The following HERC1 variants were observed in gnomAD, a reference collection of about 807,000 sequenced individuals.
HERC1 encodes the protein probable E3 ubiquitin-protein ligase HERC1.
A neutral mutation model predicts 554.3 loss-of-function variants in HERC1; 160 were observed. The ratio of observed to expected loss-of-function variants is 0.29; its 90% CI spans 0.25 to 0.33. The LOEUF is 0.33. Among genes scored for constraint, HERC1 ranks in the 10% least tolerant of loss-of-function variants. HERC1 has a pLI of 1.00. For missense variants in HERC1, 4,919 were observed against 5,918.5 expected, an observed-to-expected ratio of 0.83 and a Z score of 5.54; for synonymous variants, 2,175 against 2,131.7, an observed-to-expected ratio of 1.02 and a Z score of -0.56.
At chr15:63,660,081 G>A (rs1268500555) in intron 46 of HERC1, 145 bp from the exon 47 acceptor site, 3 of 696,564 alleles carry the variant, frequency 4.3e-6, no homozygotes, top group South Asian at 1.8e-5. Flanking sequence ...CACTCTGGGA[G>A]GCCGAGGCGA....
intron 36 of HERC1, among the ~76,000 whole-genome samples, chr15:63,679,009 A>G (rs1312722356): frequency 6.6e-6 from 1 of 152,240 alleles, no homozygotes; most frequent in Non-Finnish European, 1.5e-5. Context: ...TCACACTGTA[A>G]ATGTTAAAAA....
chr15:63,767,048 C>T (rs1357911902), intron 2 of HERC1, among the ~76,000 whole-genome samples: 1 of 151,184 alleles, frequency 6.6e-6, no homozygotes, highest in African/African-American at 2.4e-5. Flanking sequence ...GTTGCCCAGG[C>T]TGGAGTGCAG....
chr15:63,699,353 G>A (rs1388918703), intron 25 of HERC1, among the ~76,000 whole-genome samples: 1 of 152,172 alleles, frequency 6.6e-6, no homozygotes, highest in Non-Finnish European at 1.5e-5. Context: ...GAACAAAAAG[G>A]AACTAGGCAC....
chr15:63,748,538 A>T (rs768331401), intron 10 of HERC1, among the ~76,000 whole-genome samples: 3 of 152,186 alleles, frequency 2.0e-5, no homozygotes, highest in Admixed American at 6.5e-5. Context: ...AAATCTATTA[A>T]AAGACAAAAT....
intron 12 of HERC1, among the ~76,000 whole-genome samples, chr15:63,742,237 T>C (rs556597340): frequency 2.0e-4 from 31 of 152,370 alleles, no homozygotes; most frequent in South Asian, 1.7e-3. Flanking sequence ...TCCTATTCTT[T>C]TTGATGCTTT....
chr15:63,807,133 T>C (rs1372447263), intron 1 of HERC1, among the ~76,000 whole-genome samples: 1 of 152,124 alleles, frequency 6.6e-6, no homozygotes, highest in Admixed American at 6.6e-5. Context: ...CTTTATAAAT[T>C]TGCAATAATT....
chr15:63,683,076 C>T (rs1196618012), intron 34 of HERC1, among the ~76,000 whole-genome samples: 1 of 142,666 alleles, frequency 7.0e-6, no homozygotes. Context: ...GTGGAGGTTG[C>T]AGGGAGCCGA....
chr15:63,775,133 G>A lies in HERC1; in HGVS notation c.491C>T (p.Thr164Ile). 1 of 1,613,984 alleles carries A rather than the reference G, an allele frequency of 6.2e-7. No individual in the cohort carries two copies. Among genetic ancestry groups the A allele is most frequent in the Non-Finnish European group, 8.5e-7 (1 of 1,179,890 alleles). The change falls in exon 2 of 78, where the codon ACT (threonine) becomes ATT (isoleucine). Residue 164 changes from threonine (T) to isoleucine (I), a missense_variant. Physicochemically the swap from Thr to Ile is moderately conservative, Grantham distance 89. Transcript: ENST00000443617. This position sits in a 1 kb window ranked among gnomAD's most constrained non-coding sequence, Gnocchi z 4.0. The part of the protein sequence containing the change: ...TDALIEMGVR[T>I]GLSLLFALLR... ...AAGCGCAAATAATAAACTTAGACCA[G>A]TTCGAACACCCATTTCTATAAGTGC...
At chr15:63,707,376 A>T (rs2073061773) in intron 24 of HERC1, among the ~76,000 whole-genome samples, 1 of 152,230 alleles carries the variant, frequency 6.6e-6, no homozygotes, top group Non-Finnish European at 1.5e-5. Context: ...ACAATAGACA[A>T]ATCTCAAAAC....
chr15:63,624,416 G>T, intron 71 of HERC1, 89 bp from the exon 72 acceptor site: 1 of 1,270,348 alleles, frequency 7.9e-7, no homozygotes, highest in Non-Finnish European at 1.1e-6. Context: ...CATTATTTTG[G>T]CTGGGCGCAG....
At chr15:63,625,138 G>A (rs2068245434) in intron 71 of HERC1, among the ~76,000 whole-genome samples, 1 of 151,986 alleles carries the variant, frequency 6.6e-6, no homozygotes, top group Admixed American at 6.6e-5. Context: ...ACACACACAC[G>A]CACGCACACA....
At chr15:63,695,680 G>A (rs1405557344) in intron 27 of HERC1, among the ~76,000 whole-genome samples, 1 of 152,160 alleles carries the variant, frequency 6.6e-6, no homozygotes, top group African/African-American at 2.4e-5. Context: ...GAGCCACCAC[G>A]CCCGGCCGAG....
intron 65 of HERC1, 106 bp downstream of exon 65, chr15:63,635,855 T>C (rs1024151768): frequency 3.5e-6 from 4 of 1,154,438 alleles, no homozygotes; most frequent in African/African-American, 3.1e-5. Flanking sequence ...TTATAATTAC[T>C]GTGTAATATA....
Position 63,663,098 on chromosome 15 carries a change from T to A in HERC1, c.8787A>T (p.Glu2929Asp), listed in dbSNP as rs777986230. ...CCTCATCATCAAGATCAATTTCCAA[T>A]TCCTCATCTAAATTAAAGTCATACA... ...GALYDFNLDE[E>D]LEIDLDDEAM... Residue 2929 changes from glutamate (E) to aspartate (D), a missense_variant, in exon 44 of 78, where the codon GAA (glutamate) becomes GAT (aspartate). Transcript: ENST00000443617. The A allele has an allele frequency of 1.9e-6, 3 of 1,613,944 alleles. No homozygotes were observed. The East Asian group carries it at 6.7e-5, about 36-fold the overall frequency.
At chr15:63,666,283 A>C in intron 41 of HERC1, 73 bp downstream of exon 41, 1 of 1,399,142 alleles carries the variant, frequency 7.1e-7, no homozygotes, top group East Asian at 2.3e-5. Context: ...ATAGCCTCTT[A>C]AAAGTTATGT....
chr15:63,775,254 T>C lies in HERC1; in HGVS notation c.370A>G (p.Lys124Glu). The C allele has an allele frequency of 6.2e-7, 1 of 1,614,070 alleles. No individual in the cohort carries two copies. The highest frequency in any genetic ancestry group is 8.5e-7 in the Non-Finnish European group (1 of 1,179,890). ...FYALSNKYHD[K>E]GKVKQQQHSP... is the part of the protein sequence containing the mutation. Reference sequence around the variant, plus strand: ...TGCTGCTGCTGCTTCACCTTGCCTTTGTCATGGTATTTATTAGAAAGTGCA... The same window carrying C: ...TGCTGCTGCTGCTTCACCTTGCCTTCGTCATGGTATTTATTAGAAAGTGCA... The change falls in exon 2 of 78, where the codon AAA becomes GAA. Residue 124 changes from lysine to glutamate, a missense_variant. This residue lies in a region of HERC1 where 744 missense variants were observed against 1,090.0 expected (regional missense o/e 0.68). Coordinates refer to ENST00000443617, the MANE Select transcript of HERC1 (RefSeq NM_003922.4). This position sits in a 1 kb window ranked among gnomAD's most constrained non-coding sequence, Gnocchi z 4.0.
At chr15:63,757,340 C>G (rs2075456967) in intron 4 of HERC1, among the ~76,000 whole-genome samples, 1 of 135,592 alleles carries the variant, frequency 7.4e-6, no homozygotes, top group African/African-American at 2.7e-5. Context: ...TTTTGTTTCA[C>G]TATAACCTCC....
In HERC1 at chr15:63,636,113, A is replaced by G. The variant is rs1785445585; in HGVS notation, c.12262T>C (p.Cys4088Arg). The G allele has an allele frequency of 6.2e-7, 1 of 1,613,854 alleles. No homozygotes were observed. Among genetic ancestry groups the G allele is most frequent in the African/African-American group, 1.3e-5 (1 of 75,008 alleles). Residue 4088 changes from cysteine to arginine, a missense_variant, in exon 65 of 78, where the codon TGT (cysteine) becomes CGT (arginine). Cys to Arg is a radical substitution (Grantham distance 180, BLOSUM62 -3). Transcript: ENST00000443617. ...GCCATAGAGTGCCCATCAGAACCAC[A>G]GGAAGTCACCAGCTGGGTCACCACA... ...GFVVTQLVTS[C>R]GSDGHSMALT...
chr15:63,738,269 T>C (rs557607934), intron 12 of HERC1, among the ~76,000 whole-genome samples: 1 of 152,222 alleles, frequency 6.6e-6, no homozygotes, highest in South Asian at 2.1e-4. Flanking sequence ...AAAGAAAGAC[T>C]AAGGAATTGT....
Sources: allele counts gnomAD v4.1 joint callset (sites outside exome capture counted in the v4.1 genomes callset), GRCh38; gene constraint gnomAD v4.1.1; regional missense constraint gnomAD v4.1.1; non-coding constraint Gnocchi (gnomAD v3.1); transcripts MANE v1.5; gene names NCBI Gene and HGNC (gene_info 2026-07-23, HGNC 2026-07-21).